The following COA8 variants were observed in gnomAD, a reference collection of about 807,000 sequenced individuals.
COA8 encodes the protein cytochrome c oxidase assembly factor 8.
A neutral mutation model predicts 22.0 loss-of-function variants in COA8; 20 were observed. The ratio of observed to expected loss-of-function variants is 0.91; its 90% CI spans 0.64 to 1.32. The LOEUF (loss-of-function observed/expected upper bound fraction) is 1.32. Ranked by LOEUF, COA8 falls within the 40% of genes most tolerant of loss-of-function variation. The pLI, the probability that COA8 is intolerant of heterozygous loss-of-function variation, is 0.00. For synonymous variants in COA8, 105 were observed against 79.9 expected (o/e 1.31, Z -1.68); for missense variants, 266 against 230.0 (o/e 1.16, Z -1.01).
intron 2 of COA8, among the ~76,000 whole-genome samples, chr14:103,572,661 C>T (rs183690132): frequency 1.3e-5 from 2 of 151,636 alleles, no homozygotes; most frequent in Admixed American, 6.6e-5. Flanking sequence ...ACCCAGGAGG[C>T]GGAGGTTGCA....
At chr14:103,585,214 C>T (rs2076297007) in intron 3 of COA8, among the ~76,000 whole-genome samples, 1 of 151,904 alleles carries the variant, frequency 6.6e-6, no homozygotes, top group Non-Finnish European at 1.5e-5. Flanking sequence ...CGCGGTGGCT[C>T]ACGCCTGTAA....
intron 3 of COA8, among the ~76,000 whole-genome samples, chr14:103,584,619 C>G (rs942732778): frequency 6.6e-6 from 1 of 152,136 alleles, no homozygotes; most frequent in African/African-American, 2.4e-5. Flanking sequence ...AGTGGCCTGA[C>G]CTATTTTTTT....
At chr14:103,572,081 T>C (rs28744517) in intron 2 of COA8, among the ~76,000 whole-genome samples, 4 of 150,270 alleles carry the variant, frequency 2.7e-5, no homozygotes, top group East Asian at 3.9e-4. Context: ...GAGCGGAGAT[T>C]GCGCCACTGC....
intron 3 of COA8, among the ~76,000 whole-genome samples, chr14:103,577,559 A>G (rs2076238199): frequency 1.3e-5 from 2 of 152,082 alleles, no homozygotes; most frequent in Non-Finnish European, 2.9e-5. Context: ...GAAGCAGGCA[A>G]ATGATGCTCA....
chr14:103,563,278 C>G (rs1464140295), intron 1 of COA8, 154 bp downstream of exon 1: 1 of 1,050,098 alleles, frequency 9.5e-7, no homozygotes, highest in African/African-American at 1.6e-5. Context: ...AGCCCCGAGG[C>G]TCCCGCATCA....
Position 103,581,144 on chromosome 14 carries a change from G to T in COA8, c.386-6130G>T, listed in dbSNP as rs2076264651. 6.6e-6 allele frequency among the ~76,000 whole-genome samples: 1 copy of T among 152,042 alleles called. No homozygotes were observed. Among genetic ancestry groups the T allele is most frequent in the African/African-American group, 2.4e-5 (1 of 41,408 alleles). ...AAGGATTTGAGCATCCTGAAATGTT[G>T]GTATCTGTAGGAGTCCTGGAACCAA... On this transcript the variant is annotated intron_variant, in intron 3 of 4. Transcript: ENST00000409074. This position sits in a 1 kb window ranked among gnomAD's most constrained non-coding sequence, Gnocchi z 4.1.
intron 3 of COA8, among the ~76,000 whole-genome samples, chr14:103,577,412 C>T (rs895583718): frequency 6.6e-6 from 1 of 151,926 alleles, no homozygotes; most frequent in Non-Finnish European, 1.5e-5. Flanking sequence ...TCATTTCATG[C>T]TTACTCAGTT....
Position 103,562,979 on chromosome 14 carries a change from C to A in COA8, c.-23C>A. On this transcript the variant is annotated 5_prime_UTR_variant, in exon 1 of 5. Coordinates refer to ENST00000409074, the MANE Select transcript of COA8 (RefSeq NM_001370595.2). ...GCCGTCGCAATGCTGCCGTGCGCCG[C>A]GGGAGCCAGGGGGCGTGGGGCCATG... 1 of 1,526,124 alleles carries A rather than the reference C, an allele frequency of 6.6e-7. No individual in the cohort carries two copies. The highest frequency in any genetic ancestry group is 1.4e-5 in the African/African-American group (1 of 71,454). The allele number at this position is 1,526,124 out of a possible 1,614,324, so 94.5% of individuals were successfully genotyped here.
At chr14:103,564,714 G>A (rs1455071155) in intron 1 of COA8, among the ~76,000 whole-genome samples, 1 of 151,304 alleles carries the variant, frequency 6.6e-6, no homozygotes, top group Non-Finnish European at 1.5e-5. Context: ...CGAGTAGCTG[G>A]GACTACAGGG....
intron 4 of COA8, among the ~76,000 whole-genome samples, chr14:103,588,721 G>A (rs1469198444): frequency 4.0e-5 from 6 of 151,894 alleles, no homozygotes; most frequent in African/African-American, 1.5e-4. Flanking sequence ...GTGTGCACCT[G>A]TAATCCCAGC....
intron 3 of COA8, among the ~76,000 whole-genome samples, chr14:103,582,103 C>T (rs139295282): frequency 2.0e-3 from 297 of 152,264 alleles, no homozygotes; most frequent in Admixed American, 4.7e-3. Context: ...GTGGCCTCCG[C>T]GCCTCCTCAT....
At chr14:103,574,482 G>A in intron 3 of COA8, 1 of 545,156 alleles carries the variant, frequency 1.8e-6, no homozygotes. Context: ...CTTTTCTTCT[G>A]ATTCCTGATC....
intron 1 of COA8, among the ~76,000 whole-genome samples, chr14:103,566,510 TGTG>T (rs2076136282): frequency 6.6e-6 from 1 of 152,238 alleles, no homozygotes; most frequent in Non-Finnish European, 1.5e-5. Flanking sequence ...TGTCCTGTAT[TGTG>T]GTGCTTAAAA....
chr14:103,565,503 CT>C lies in COA8; in HGVS notation c.123+2388del, dbSNP rs895830290. Reference sequence around the variant, plus strand: ...AAGAATTAGTCTGACTCTTTTAGTTCTTTTTTTTTCTTTAATCCGGAAGTTC... The same window carrying C: ...AAGAATTAGTCTGACTCTTTTAGTTCTTTTTTTTCTTTAATCCGGAAGTTC... On this transcript the variant is annotated intron_variant, in intron 1 of 4. Coordinates refer to ENST00000409074, the MANE Select transcript of COA8 (RefSeq NM_001370595.2). 1.3e-3 allele frequency among the ~76,000 whole-genome samples: 203 copies of C among 151,120 alleles called. 5 individuals are homozygous for C. The East Asian group carries it at 0.035, about 26-fold the overall frequency.
chr14:103,588,873 G>A (rs2076330528), intron 4 of COA8, among the ~76,000 whole-genome samples: 1 of 152,172 alleles, frequency 6.6e-6, no homozygotes. Context: ...TCAAAGGCTG[G>A]ATGGACTCAG....
chr14:103,584,587 G>A (rs984655657), intron 3 of COA8, among the ~76,000 whole-genome samples: 1 of 152,096 alleles, frequency 6.6e-6, no homozygotes, highest in African/African-American at 2.4e-5. Flanking sequence ...ACTTTTTCAG[G>A]AATTACAAAG....
chr14:103,587,383 C>G lies in COA8; in HGVS notation c.476+19C>G. The G allele has an allele frequency of 6.4e-7, 1 of 1,570,728 alleles. No homozygotes were observed. Among genetic ancestry groups the G allele is most frequent in the Non-Finnish European group, 8.7e-7 (1 of 1,147,194 alleles). On this transcript the variant is annotated intron_variant, in intron 4 of 4. Transcript: ENST00000409074. ...ATAACAGGTAGGTGTTTACTCTTTTCCTGAAAATTTGAATAGCACATCCAG... is the reference window on the plus strand; with the variant it reads ...ATAACAGGTAGGTGTTTACTCTTTTGCTGAAAATTTGAATAGCACATCCAG...
At chr14:103,578,318 T>C (rs2076243890) in intron 3 of COA8, among the ~76,000 whole-genome samples, 1 of 152,214 alleles carries the variant, frequency 6.6e-6, no homozygotes, top group South Asian at 2.1e-4. Flanking sequence ...GATAAGGCTG[T>C]GGTGGCCTAC....
Position 103,571,792 on chromosome 14 carries a change from G to A in COA8, c.293G>A (p.Trp98Ter). 1 of 1,613,986 alleles carries A rather than the reference G, an allele frequency of 6.2e-7. No homozygotes were observed. Among genetic ancestry groups the A allele is most frequent in the Non-Finnish European group, 8.5e-7 (1 of 1,180,004 alleles). ...ACACAAGAATGGAATCAACAGTTCT[G>A]GGCAAACCAGAATTTGACTTTTAGT... is the stretch of plus-strand genomic sequence containing the variant. ...QETQEWNQQFWANQNLTFSKE... is the reference protein window; with the variant it reads ...QETQEWNQQF Residue 98 changes from tryptophan to a stop codon, truncating the protein, a stop_gained, in exon 2 of 5, where the codon TGG becomes TAG. Transcript: ENST00000409074. LOFTEE classifies it high-confidence loss of function.
Sources: gnomAD v4.1 joint callset for allele counts (sites outside exome capture counted in the v4.1 genomes callset) on GRCh38, gnomAD v4.1.1 for gene constraint, Gnocchi (gnomAD v3.1) non-coding constraint, MANE v1.5 for transcripts, NCBI Gene and HGNC (gene_info 2026-07-23, HGNC 2026-07-21) for gene names.